Variants in ST3GAL6 observed in about 807,000 individuals in gnomAD.
ST3GAL6 encodes the protein ST3 beta-galactoside alpha-2,3-sialyltransferase 6.
ST3GAL6 carries 31 observed loss-of-function variants against 40.5 expected under a neutral mutation model. The observed-to-expected ratio is 0.77, with a 90% CI of 0.58 to 1.03. The LOEUF (loss-of-function observed/expected upper bound fraction) is 1.03, where lower values mean the gene tolerates loss of function less well. Among genes scored for constraint, ST3GAL6 ranks in the 50% least tolerant of loss-of-function variants. The pLI, the probability that ST3GAL6 is intolerant of heterozygous loss-of-function variation, is 0.00. For missense variants in ST3GAL6, 357 were observed against 393.2 expected (o/e 0.91, Z 0.78); for synonymous variants, 129 against 136.9 (o/e 0.94, Z 0.40).
At chr3:98,787,872 A>G (rs1940872737) in intron 6 of ST3GAL6, among the ~76,000 whole-genome samples, 164 bp from the exon 7 acceptor site, 1 of 152,220 alleles carries the variant, frequency 6.6e-6, no homozygotes, top group African/African-American at 2.4e-5. Flanking sequence ...AAAAGGAATG[A>G]TCTCCTTGGC....
At chr3:98,773,897 A>C in intron 4 of ST3GAL6, 23 bp from the exon 5 acceptor site, 1 of 1,604,812 alleles carries the variant, frequency 6.2e-7, no homozygotes, top group Non-Finnish European at 8.5e-7. Context: ...CCTTTTATTC[A>C]TAACACTCCA....
chr3:98,768,798 C>CTATA (rs1196067314), intron 2 of ST3GAL6, among the ~76,000 whole-genome samples: 2 of 152,128 alleles, frequency 1.3e-5, no homozygotes, highest in African/African-American at 4.8e-5. Context: ...TTTCTTTATG[C>CTATA]TATAGATCAT....
chr3:98,763,714 G>A (rs1316685515), intron 1 of ST3GAL6, among the ~76,000 whole-genome samples: 6 of 150,268 alleles, frequency 4.0e-5, no homozygotes, highest in African/African-American at 1.5e-4. Context: ...ATGGGGACAT[G>A]GTTTAGGATC....
At chr3:98,733,662 G>GCCGC in intron 1 of ST3GAL6, 1 of 931,872 alleles carries the variant, frequency 1.1e-6, no homozygotes, top group Middle Eastern at 5.6e-4. Flanking sequence ...TCATTTTGAG[G>GCCGC]CCGCCGGCTC....
At chr3:98,785,683 T>C in intron 6 of ST3GAL6, among the ~76,000 whole-genome samples, 1 of 152,170 alleles carries the variant, frequency 6.6e-6, no homozygotes, top group East Asian at 1.9e-4. Context: ...AAACTTGGAT[T>C]TTAAGTGCAA....
intron 1 of ST3GAL6, among the ~76,000 whole-genome samples, chr3:98,744,721 A>G (rs988492733): frequency 6.6e-6 from 1 of 151,788 alleles, no homozygotes; most frequent in African/African-American, 2.4e-5. Context: ...AGTTTTTCCC[A>G]GTTCCTTTGG....
At chr3:98,781,916 G>A (rs1940166947) in intron 5 of ST3GAL6, among the ~76,000 whole-genome samples, 1 of 152,176 alleles carries the variant, frequency 6.6e-6, no homozygotes, top group Non-Finnish European at 1.5e-5. Flanking sequence ...CCAGCTTTAG[G>A]AGGTGTAGCC....
chr3:98,767,631 A>G (rs1333086172), intron 1 of ST3GAL6, among the ~76,000 whole-genome samples: 3 of 152,248 alleles, frequency 2.0e-5, no homozygotes, highest in Non-Finnish European at 4.4e-5. Context: ...TTTACATTTA[A>G]TTACATAAGA....
intron 1 of ST3GAL6, among the ~76,000 whole-genome samples, chr3:98,750,448 T>G (rs879694584): frequency 1.3e-5 from 2 of 152,130 alleles, no homozygotes; most frequent in Non-Finnish European, 2.9e-5. Flanking sequence ...GTTAGAAGAC[T>G]CTGTACAGTG....
At chr3:98,764,139 C>T (rs1429936078) in intron 1 of ST3GAL6, among the ~76,000 whole-genome samples, 1 of 152,132 alleles carries the variant, frequency 6.6e-6, no homozygotes, top group African/African-American at 2.4e-5. Context: ...GACTGAGATA[C>T]CCACCGGGTT....
At position 98,793,896 on chromosome 3, in the gene ST3GAL6, C is replaced by T; in HGVS notation, c.*135C>T. On this transcript the variant is annotated 3_prime_UTR_variant, in exon 10 of 10. Transcript: ENST00000483910. The stretch of plus-strand genomic sequence containing the variant: ...GTTGCTGCCTGGTGATTCATAACCA[C>T]CAGCTTAATTTCTGTGAATACTGTA... The T allele has an allele frequency of 2.2e-6, 1 of 452,384 alleles. No homozygotes were observed. The highest frequency in any genetic ancestry group is 3.9e-6 in the Non-Finnish European group (1 of 258,710). 28.0% of individuals were successfully genotyped at this position (452,384 alleles called of 1,614,324 possible).
In ST3GAL6 at chr3:98,768,280, TG is replaced by T. The variant is rs1553714468; in HGVS notation, c.-11-149del. ...AAACATTATCTTTCTGCACGTTTAG[TG>T]AGTATTTCCAAAATTACATGCCCAC... On this transcript the variant is annotated intron_variant, in intron 1 of 9. Coordinates refer to ENST00000483910, the MANE Select transcript of ST3GAL6 (RefSeq NM_001323368.2). 2.9e-4 allele frequency: 84 copies of T among 290,832 alleles called. 21 individuals carry two copies. The highest frequency in any genetic ancestry group is 1.1e-3 in the Middle Eastern group (2 of 1,808). 18.0% of individuals were successfully genotyped at this position (290,832 alleles called of 1,614,324 possible).
upstream of ST3GAL6, among the ~76,000 whole-genome samples, chr3:98,758,393 T>G (rs961882508): frequency 6.6e-6 from 1 of 152,240 alleles, no homozygotes; most frequent in African/African-American, 2.4e-5. Context: ...TTCTTGATTT[T>G]TATTTGCTTG....
At chr3:98,755,354 T>C (rs947003901) in intron 1 of ST3GAL6, among the ~76,000 whole-genome samples, 5 of 152,168 alleles carry the variant, frequency 3.3e-5, no homozygotes, top group African/African-American at 9.7e-5. Flanking sequence ...CCTGAACTTA[T>C]ATACTAGATT....
At chr3:98,763,002 C>A, upstream of ST3GAL6, 1 of 985,382 alleles carries the variant, frequency 1.0e-6, no homozygotes, top group South Asian at 4.7e-5. Context: ...TTTGGACTAC[C>A]TAATTAGTAA....
At chr3:98,742,297 T>G (rs2107287562) in intron 1 of ST3GAL6, among the ~76,000 whole-genome samples, 1 of 152,328 alleles carries the variant, frequency 6.6e-6, no homozygotes. Flanking sequence ...TTTCTAAGTT[T>G]GAGTGTTGTC....
At position 98,785,014 on chromosome 3, in the gene ST3GAL6, A is replaced by C; in HGVS notation, c.405A>C (p.Lys135Asn). 6.2e-7 allele frequency: 1 copy of C among 1,610,622 alleles called. No individual in the cohort carries two copies. Among genetic ancestry groups the C allele is most frequent in the Admixed American group, 1.7e-5 (1 of 60,000 alleles). ...GVLKNKTLGE[K>N]IDSYDVIIRM... Reference sequence around the variant, plus strand: ...TGAAGAATAAGACATTAGGAGAAAAAATCGACTCCTATGATGTAATAATAA... The same window carrying C: ...TGAAGAATAAGACATTAGGAGAAAACATCGACTCCTATGATGTAATAATAA... Residue 135 changes from lysine (K) to asparagine (N), a missense_variant, in exon 6 of 10, where the codon AAA (lysine) becomes AAC (asparagine). Coordinates refer to ENST00000483910, the MANE Select transcript of ST3GAL6 (RefSeq NM_001323368.2).
At chr3:98,783,528 G>A (rs1460455021) in intron 5 of ST3GAL6, 3 of 976,248 alleles carry the variant, frequency 3.1e-6, no homozygotes, top group African/African-American at 3.5e-5. Flanking sequence ...AATATAATAT[G>A]TCTGACATTG....
At chr3:98,786,587 C>T (rs1428629592) in intron 6 of ST3GAL6, among the ~76,000 whole-genome samples, 2 of 151,930 alleles carry the variant, frequency 1.3e-5, no homozygotes, top group African/African-American at 2.4e-5. Context: ...CCTGAATGTA[C>T]AGATGAAGAT....
Sources: allele counts gnomAD v4.1 joint callset (sites outside exome capture counted in the v4.1 genomes callset), GRCh38; gene constraint gnomAD v4.1.1; transcripts MANE v1.5; gene names NCBI Gene and HGNC (gene_info 2026-07-23, HGNC 2026-07-21).